IRAK2: variants seen among roughly 807,000 people sequenced by gnomAD.
The protein encoded by IRAK2 is interleukin-1 receptor-associated kinase-like 2.
Under a neutral mutation model 72.0 loss-of-function variants are expected in IRAK2, and 57 were observed. The ratio of observed to expected loss-of-function variants is 0.79; its 90% CI spans 0.64 to 0.99. The LOEUF (loss-of-function observed/expected upper bound fraction) is 0.99. Ranked by LOEUF, IRAK2 falls within the 50% of genes least tolerant of loss-of-function variation. The pLI, the probability that IRAK2 is intolerant of heterozygous loss-of-function variation, is 0.00. For missense variants in IRAK2, 790 were observed against 794.4 expected, an observed-to-expected ratio of 0.99 and a Z score of 0.07; for synonymous variants, 293 against 312.7, an observed-to-expected ratio of 0.94 and a Z score of 0.67.
At chr3:10,180,791 G>A (rs536528866) in intron 2 of IRAK2, among the ~76,000 whole-genome samples, 32 of 152,256 alleles carry the variant, frequency 2.1e-4, no homozygotes, top group African/African-American at 6.7e-4. Context: ...TGTGGTGGAC[G>A]TGCAGGTGGA....
intron 3 of IRAK2, among the ~76,000 whole-genome samples, chr3:10,201,207 T>A (rs143584476): frequency 1.6e-3 from 249 of 152,334 alleles, no homozygotes; most frequent in African/African-American, 5.4e-3. Context: ...TTAGGTATTG[T>A]GATTATGCCC....
At chr3:10,195,812 G>T (rs1029435404) in intron 2 of IRAK2, among the ~76,000 whole-genome samples, 1 of 152,184 alleles carries the variant, frequency 6.6e-6, no homozygotes, top group African/African-American at 2.4e-5. Flanking sequence ...CTGAGCCAGG[G>T]GAGCCACTGC....
At chr3:10,238,652 C>G in intron 11 of IRAK2, 96 bp from the exon 12 acceptor site, 1 of 1,199,674 alleles carries the variant, frequency 8.3e-7, no homozygotes, top group Non-Finnish European at 1.2e-6. Flanking sequence ...GTTCTTCAGT[C>G]TGCTCCCCGC....
intron 2 of IRAK2, among the ~76,000 whole-genome samples, chr3:10,182,431 C>A (rs188067941): frequency 1.3e-5 from 2 of 151,818 alleles, no homozygotes; most frequent in African/African-American, 2.4e-5. Context: ...TACAGGTGCC[C>A]GCCACCACGC....
At chr3:10,216,711 T>A (rs919572685) in intron 6 of IRAK2, among the ~76,000 whole-genome samples, 1 of 152,134 alleles carries the variant, frequency 6.6e-6, no homozygotes, top group Non-Finnish European at 1.5e-5. Context: ...AGATGTCATG[T>A]GTTGCAGAGC....
intron 3 of IRAK2, among the ~76,000 whole-genome samples, chr3:10,208,548 G>C (rs1697466373): frequency 6.6e-6 from 1 of 151,858 alleles, no homozygotes; most frequent in Non-Finnish European, 1.5e-5. Context: ...CAGATCACGA[G>C]TTCAGGAGAT....
intron 2 of IRAK2, among the ~76,000 whole-genome samples, chr3:10,194,251 C>A (rs576343376): frequency 2.0e-5 from 3 of 151,910 alleles, no homozygotes; most frequent in Non-Finnish European, 4.4e-5. Flanking sequence ...AAGCCAGAGC[C>A]GACGCTTCCC....
intron 2 of IRAK2, among the ~76,000 whole-genome samples, chr3:10,181,060 G>A (rs1249835846): frequency 2.0e-5 from 3 of 152,104 alleles, no homozygotes; most frequent in African/African-American, 7.2e-5. Context: ...GCAGCATAGT[G>A]GTGGCTCCTC....
intron 2 of IRAK2, among the ~76,000 whole-genome samples, chr3:10,195,596 G>C (rs1364216575): frequency 6.6e-6 from 1 of 151,884 alleles, no homozygotes; most frequent in Non-Finnish European, 1.5e-5. Flanking sequence ...AAGGCTGTAA[G>C]TATCACCCTC....
At chr3:10,221,237 C>CA (rs1213069256) in intron 8 of IRAK2, among the ~76,000 whole-genome samples, 28 of 133,100 alleles carry the variant, frequency 2.1e-4, no homozygotes, top group Admixed American at 3.2e-4. Flanking sequence ...CTAAAAATAC[C>CA]AAAAAAAAAA....
intron 3 of IRAK2, among the ~76,000 whole-genome samples, chr3:10,208,997 G>C (rs1697476900): frequency 6.6e-6 from 1 of 152,010 alleles, no homozygotes; most frequent in African/African-American, 2.4e-5. Context: ...GCATGGGCTG[G>C]TTCCACTGCC....
chr3:10,226,415 C>T lies in IRAK2; in HGVS notation c.1254C>T (p.Asn418=). Residue 418 remains asparagine, a synonymous_variant, in exon 10 of 13, where the codon AAC becomes AAT. Transcript: ENST00000256458. ...CGGGCATCCCTGCAATGGATAACAACCGAAGCCCGGTTTACCTGGTAAGGG... is the reference window on the plus strand; with the variant it reads ...CGGGCATCCCTGCAATGGATAACAATCGAAGCCCGGTTTACCTGGTAAGGG... The part of the protein sequence containing the change: ...VLTGIPAMDN[N]RSPVYLKDLL... 1 of 1,613,428 alleles carries T rather than the reference C, an allele frequency of 6.2e-7. No homozygotes were observed. The highest frequency in any genetic ancestry group is 8.5e-7 in the Non-Finnish European group (1 of 1,179,736).
At chr3:10,204,113 C>A (rs1697403646) in intron 3 of IRAK2, among the ~76,000 whole-genome samples, 1 of 152,240 alleles carries the variant, frequency 6.6e-6, no homozygotes, top group African/African-American at 2.4e-5. Flanking sequence ...GTTTCACCAG[C>A]CTTGGTAAAA....
intron 11 of IRAK2, 99 bp from the exon 12 acceptor site, chr3:10,238,649 A>T: frequency 8.7e-7 from 1 of 1,149,460 alleles, no homozygotes; most frequent in Non-Finnish European, 1.2e-6. Flanking sequence ...TAGGTTCTTC[A>T]GTCTGCTCCC....
intron 9 of IRAK2, among the ~76,000 whole-genome samples, chr3:10,224,530 C>T (rs1697741749): frequency 6.9e-6 from 1 of 145,108 alleles, no homozygotes; most frequent in African/African-American, 2.5e-5. Flanking sequence ...TGGCACCCTG[C>T]ACCCTGCACC....
Position 10,222,669 on chromosome 3 carries a change from C to T in IRAK2, c.1047C>T (p.Pro349=), listed in dbSNP as rs370626070. The part of the protein sequence containing the change: ...SNVLLDQNLT[P]KLAHPMAHLC... ...TCTTGCTGGACCAAAATCTCACCCC[C>T]AAACTTGCTCACCCAATGGCTCATC... The change falls in exon 9 of 13, where the codon CCC becomes CCT. Residue 349 remains proline (P), a synonymous_variant. Coordinates refer to ENST00000256458, the MANE Select transcript of IRAK2 (RefSeq NM_001570.4). 4.3e-6 allele frequency: 7 copies of T among 1,614,042 alleles called. No homozygotes were observed. Among genetic ancestry groups the T allele is most frequent in the African/African-American group, 4.0e-5 (3 of 74,916 alleles).
At chr3:10,169,596 CT>C (rs1696764264) in intron 1 of IRAK2, among the ~76,000 whole-genome samples, 1 of 152,146 alleles carries the variant, frequency 6.6e-6, no homozygotes, top group Admixed American at 6.6e-5. Context: ...GCAGTCAGAC[CT>C]TATGGTTATC....
rs936566655 is a variant in IRAK2 at position 10,177,937 on chromosome 3, G to C, written c.194G>C (p.Gly65Ala). The change falls in exon 2 of 13, where the codon GGC (glycine) becomes GCC (alanine). Residue 65 changes from glycine (G) to alanine (A), a missense_variant. Coordinates refer to ENST00000256458, the MANE Select transcript of IRAK2 (RefSeq NM_001570.4). ...SITRELLWWWGMRQATVQQLV... is the reference protein window; with the variant it reads ...SITRELLWWWAMRQATVQQLV... ...ACGCGGGAGCTGCTGTGGTGGTGGG[G>C]CATGCGGCAGGCCACCGTCCAGCAA... 3.1e-6 allele frequency: 5 copies of C among 1,613,772 alleles called. No individual in the cohort carries two copies. The highest frequency in any genetic ancestry group is 3.4e-6 in the Non-Finnish European group (4 of 1,180,012).
rs145978380 is a variant in IRAK2 at position 10,215,751 on chromosome 3, T to TACACAC, written c.789-1165_789-1160dup. On this transcript the variant is annotated intron_variant, in intron 6 of 12. Coordinates refer to ENST00000256458, the MANE Select transcript of IRAK2 (RefSeq NM_001570.4). ...ACATGTATATGAATACTCACATGTG[T>TACACAC]ACACACACACACACACACACACAGA... Among the ~76,000 whole-genome samples the TACACAC allele has an allele frequency of 4.1e-3, 612 of 149,938 alleles. 1 individual carries two copies. The highest frequency in any genetic ancestry group is 4.8e-3 in the Non-Finnish European group (323 of 67,502).
Sources: allele counts gnomAD v4.1 joint callset (sites outside exome capture counted in the v4.1 genomes callset), GRCh38; gene constraint gnomAD v4.1.1; transcripts MANE v1.5; gene names NCBI Gene and HGNC (gene_info 2026-07-23, HGNC 2026-07-21).